CCSER1: variants seen among roughly 807,000 people sequenced by gnomAD.
The protein encoded by CCSER1 is coiled-coil serine rich protein 1.
In CCSER1, 41 loss-of-function variants were observed where a neutral mutation model predicts 82.0. That is an observed-to-expected ratio of 0.50 (90% CI 0.39 to 0.65). The LOEUF is 0.65. Among genes scored for constraint, CCSER1 ranks in the 30% least tolerant of loss-of-function variants. CCSER1 has a pLI of 0.00. For missense variants in CCSER1, 1,119 were observed against 1,064.2 expected (o/e 1.05, Z -0.72); for synonymous variants, 414 against 383.9 (o/e 1.08, Z -0.92).
chr4:90,974,190 G>A (rs1735384451), intron 9 of CCSER1, among the ~76,000 whole-genome samples: 1 of 151,422 alleles, frequency 6.6e-6, no homozygotes, highest in Non-Finnish European at 1.5e-5. Context: ...CTTGATATTT[G>A]CTAACAGTAG....
chr4:90,224,873 T>C (rs1742842789), intron 1 of CCSER1, among the ~76,000 whole-genome samples: 1 of 152,166 alleles, frequency 6.6e-6, no homozygotes, highest in African/African-American at 2.4e-5. Flanking sequence ...GACTCTGAAT[T>C]TTCCAAGAAC....
chr4:91,437,202 G>C (rs1002360163), intron 10 of CCSER1, among the ~76,000 whole-genome samples: 4 of 152,166 alleles, frequency 2.6e-5, no homozygotes, highest in African/African-American at 9.7e-5. Context: ...TGTATTTTTG[G>C]TGCATATCTA....
intron 1 of CCSER1, among the ~76,000 whole-genome samples, chr4:90,287,309 A>G (rs1730082661): frequency 6.6e-6 from 1 of 152,020 alleles, no homozygotes; most frequent in Non-Finnish European, 1.5e-5. Context: ...TGATATAGTA[A>G]ATATTGCTAT....
At chr4:91,067,486 C>T (rs189350461) in intron 9 of CCSER1, among the ~76,000 whole-genome samples, 42 of 152,066 alleles carry the variant, frequency 2.8e-4, no homozygotes, top group East Asian at 7.8e-4. Flanking sequence ...GCTAGGACTA[C>T]AGGCCTGCCC....
chr4:90,608,935 C>T (rs1214311324), intron 5 of CCSER1, among the ~76,000 whole-genome samples: 1 of 151,856 alleles, frequency 6.6e-6, no homozygotes, highest in East Asian at 1.9e-4. Flanking sequence ...TAAATCTTCA[C>T]CTTATGATTT....
intron 10 of CCSER1, among the ~76,000 whole-genome samples, chr4:91,092,741 CTGA>C (rs748354340): frequency 6.6e-6 from 1 of 152,126 alleles, no homozygotes; most frequent in East Asian, 1.9e-4. Context: ...CTCCCTCTGC[CTGA>C]AGAAAGTCTT....
At position 91,326,753 on chromosome 4, in the gene CCSER1, C is replaced by T. The variant is rs543207313; in HGVS notation, c.2217+240759C>T. On this transcript the variant is annotated intron_variant, in intron 10 of 10. Coordinates refer to ENST00000509176, the MANE Select transcript of CCSER1 (RefSeq NM_001145065.2). The stretch of plus-strand genomic sequence containing the variant: ...AAACAAAAAACAAGCTAGTTACTTC[C>T]AAGATACAATGGGGGTACTGGCATT... Among the ~76,000 whole-genome samples, 20 of 152,264 alleles carry T rather than the reference C, an allele frequency of 1.3e-4. No homozygotes were observed. In the South Asian group the frequency reaches 3.9e-3, roughly 30 times the overall value.
chr4:90,614,765 A>G (rs1048657494), intron 5 of CCSER1, among the ~76,000 whole-genome samples: 4 of 152,188 alleles, frequency 2.6e-5, no homozygotes, highest in African/African-American at 9.6e-5. Context: ...GTGTAAGGTA[A>G]AGCAGCAAGC....
intron 10 of CCSER1, among the ~76,000 whole-genome samples, chr4:91,479,615 G>A (rs1013295422): frequency 1.3e-5 from 2 of 151,150 alleles, no homozygotes; most frequent in African/African-American, 4.8e-5. Flanking sequence ...GCTGTTCAGG[G>A]TATGGTAAGA....
At chr4:90,884,483 A>T (rs1721821931) in intron 8 of CCSER1, among the ~76,000 whole-genome samples, 1 of 152,126 alleles carries the variant, frequency 6.6e-6, no homozygotes, top group Non-Finnish European at 1.5e-5. Context: ...TAAAATCTCC[A>T]GGAAAGTAAG....
intron 5 of CCSER1, among the ~76,000 whole-genome samples, chr4:90,565,864 AT>A (rs200488526): frequency 0.07 from 9,581 of 136,640 alleles, 778 homozygotes; most frequent in African/African-American, 0.23. Context: ...ATCCCTCTTG[AT>A]TTTTTTTTTT....
rs73837274 is a variant in CCSER1, at chr4:91,119,949, T to C, written c.2217+33955T>C. Among the ~76,000 whole-genome samples the C allele has an allele frequency of 4.4e-3, 663 of 152,110 alleles. 6 individuals carry two copies. The highest frequency in any genetic ancestry group is 0.015 in the African/African-American group (621 of 41,556). On this transcript the variant is annotated intron_variant, in intron 10 of 10. Transcript: ENST00000509176. The stretch of plus-strand genomic sequence containing the variant: ...TGGAAAAGTGGAGGGTTTACAACCC[T>C]ATGGAGTTTTATAAATTATCTAGTT...
At chr4:90,860,804 A>G (rs1295909915) in intron 8 of CCSER1, among the ~76,000 whole-genome samples, 1 of 151,748 alleles carries the variant, frequency 6.6e-6, no homozygotes, top group Non-Finnish European at 1.5e-5. Context: ...AAATGTCCAC[A>G]ATAGGCAAGT....
intron 10 of CCSER1, among the ~76,000 whole-genome samples, chr4:91,122,387 C>T (rs1471022675): frequency 6.6e-6 from 1 of 151,746 alleles, no homozygotes; most frequent in Non-Finnish European, 1.5e-5. Context: ...TCATTCATTA[C>T]TCATGTATAA....
At chr4:91,530,935 C>A (rs1296417768) in intron 10 of CCSER1, among the ~76,000 whole-genome samples, 1 of 152,062 alleles carries the variant, frequency 6.6e-6, no homozygotes, top group African/African-American at 2.4e-5. Flanking sequence ...GATCCACCTG[C>A]CTCGGCCTCC....
intron 4 of CCSER1, among the ~76,000 whole-genome samples, chr4:90,417,945 A>C (rs1756064247): frequency 6.6e-6 from 1 of 152,168 alleles, no homozygotes; most frequent in African/African-American, 2.4e-5. Flanking sequence ...CTTGGTCAGA[A>C]AAAGTGTGTC....
chr4:90,250,127 A>G (rs1722132493), intron 1 of CCSER1, among the ~76,000 whole-genome samples: 1 of 152,074 alleles, frequency 6.6e-6, no homozygotes, highest in Non-Finnish European at 1.5e-5. Flanking sequence ...AAAATATTAT[A>G]GATAATTTGT....
chr4:91,557,395 AATTC>A (rs917891892), intron 10 of CCSER1, among the ~76,000 whole-genome samples: 1 of 151,472 alleles, frequency 6.6e-6, no homozygotes, highest in African/African-American at 2.4e-5. Context: ...TCATTTTTAA[AATTC>A]ATTCAGAATT....
intron 9 of CCSER1, among the ~76,000 whole-genome samples, chr4:90,930,596 G>T (rs1416662172): frequency 2.0e-5 from 3 of 151,496 alleles, no homozygotes; most frequent in African/African-American, 7.3e-5. Flanking sequence ...CTGGGAGACA[G>T]AGAGAGACTC....
Sources: allele counts gnomAD v4.1 joint callset (sites outside exome capture counted in the v4.1 genomes callset), GRCh38; gene constraint gnomAD v4.1.1; transcripts MANE v1.5; gene names NCBI Gene and HGNC (gene_info 2026-07-23, HGNC 2026-07-21).